The following SPINT1 variants were observed in gnomAD, a reference collection of about 807,000 sequenced individuals.
SPINT1 encodes the protein serine peptidase inhibitor, Kunitz type 1.
In SPINT1, 38 loss-of-function variants were observed where a neutral mutation model predicts 53.7. The ratio of observed to expected loss-of-function variants is 0.71; its 90% CI spans 0.55 to 0.93. The LOEUF (loss-of-function observed/expected upper bound fraction) is 0.93. Ranked by LOEUF, SPINT1 falls within the 40% of genes least tolerant of loss-of-function variation. SPINT1 has a pLI of 0.00. For synonymous variants in SPINT1, 283 were observed against 280.6 expected, an observed-to-expected ratio of 1.01 and a Z score of -0.08; for missense variants, 645 against 692.9, an observed-to-expected ratio of 0.93 and a Z score of 0.78.
chr15:40,849,408 C>T (rs1005565411), intron 2 of SPINT1, among the ~76,000 whole-genome samples: 3 of 152,130 alleles, frequency 2.0e-5, no homozygotes, highest in African/African-American at 7.2e-5. Flanking sequence ...TCACACCTAG[C>T]TAATTTTTTA....
At position 40,844,790 on chromosome 15, in the gene SPINT1, C is replaced by G; in HGVS notation, c.236C>G (p.Pro79Arg). 1.2e-6 allele frequency: 2 copies of G among 1,613,166 alleles called. No homozygotes were observed. Among genetic ancestry groups the G allele is most frequent in the Non-Finnish European group, 1.7e-6 (2 of 1,179,664 alleles). Residue 79 changes from proline (P) to arginine (R), a missense_variant, in exon 2 of 11, where the codon CCC becomes CGC. Coordinates refer to ENST00000562057, the MANE Select transcript of SPINT1 (RefSeq NM_003710.4). The surrounding 1 kb of genome is among the most constrained non-coding windows in gnomAD (Gnocchi z 5.8). ...AACGGAGCTACCTTCCTGGAGTCCC[C>G]CACCGTGCGCCGGGGCTGGGACTGC... The part of the protein sequence containing the change: ...VSNGATFLES[P>R]TVRRGWDCVR...
At chr15:40,855,207 C>G (rs904628842) in intron 8 of SPINT1, among the ~76,000 whole-genome samples, 1 of 151,940 alleles carries the variant, frequency 6.6e-6, no homozygotes, top group African/African-American at 2.4e-5. Context: ...ATGGCAAAAC[C>G]CCATCTCTAC....
In SPINT1 at chr15:40,844,161, CG is replaced by C; in HGVS notation, c.-89del. On this transcript the variant is annotated 5_prime_UTR_variant, in exon 1 of 11. Transcript: ENST00000562057. The surrounding 1 kb of genome is among the most constrained non-coding windows in gnomAD (Gnocchi z 5.8). Reference sequence around the variant, plus strand: ...GCTGGGACCGGAACCTCGGCGGACCCGGCCCCACCCAACTCACCTGCGCAGG... The same window carrying C: ...GCTGGGACCGGAACCTCGGCGGACCCGCCCCACCCAACTCACCTGCGCAGG... 1 of 435,038 alleles carries C rather than the reference CG, an allele frequency of 2.3e-6. No individual in the cohort carries two copies. The allele number at this position is 435,038 out of a possible 1,614,324, so 26.9% of individuals were successfully genotyped here.
Position 40,854,542 on chromosome 15 carries a change from G to A in SPINT1, c.1066+20G>A, listed in dbSNP as rs200801441. ...AAAAATGTGAGGCCTGGGGGATAGA[G>A]GGGGTTGGGCAGCAGACAGGGAGGT... On this transcript the variant is annotated intron_variant, in intron 7 of 10. Transcript: ENST00000562057. The A allele has an allele frequency of 6.0e-5, 97 of 1,613,584 alleles. No individual in the cohort carries two copies. The highest frequency in any genetic ancestry group is 8.0e-5 in the Non-Finnish European group (94 of 1,179,810).
intron 5 of SPINT1, 78 bp from the exon 6 acceptor site, chr15:40,853,982 C>CG: frequency 1.9e-6 from 3 of 1,539,652 alleles, no homozygotes; most frequent in Non-Finnish European, 2.7e-6. Context: ...GGAGCTCTCC[C>CG]TTGCCCACCC....
At chr15:40,846,636 G>A (rs1346782990) in intron 2 of SPINT1, among the ~76,000 whole-genome samples, 4 of 152,168 alleles carry the variant, frequency 2.6e-5, no homozygotes, top group East Asian at 1.9e-4. Flanking sequence ...TAACAGAACC[G>A]GGGATTGGGG....
chr15:40,844,873 G>T lies in SPINT1; in HGVS notation c.319G>T (p.Asp107Tyr). The T allele has an allele frequency of 6.2e-7, 1 of 1,613,878 alleles. No individual in the cohort carries two copies. The highest frequency in any genetic ancestry group is 8.5e-7 in the Non-Finnish European group (1 of 1,180,026). Residue 107 changes from aspartate to tyrosine, a missense_variant, in exon 2 of 11, where the codon GAC becomes TAC. Asp to Tyr is a radical substitution (Grantham distance 160, BLOSUM62 -3). Coordinates refer to ENST00000562057, the MANE Select transcript of SPINT1 (RefSeq NM_003710.4). The surrounding 1 kb of genome is among the most constrained non-coding windows in gnomAD (Gnocchi z 5.8). ...CTTGGCGCTAGTGGAGCTGCAGCCC[G>T]ACCGCGGGGAGGACGCCATCGCCGC... ...CNLALVELQP[D>Y]RGEDAIAACF... is the part of the protein sequence containing the mutation.
intron 8 of SPINT1, 104 bp from the exon 9 acceptor site, chr15:40,855,788 C>A: frequency 7.7e-7 from 1 of 1,306,184 alleles, no homozygotes; most frequent in Non-Finnish European, 1.1e-6. Context: ...CCTCCCTGAG[C>A]CATGGCAGGT....
Position 40,844,754 on chromosome 15 carries a change from C to G in SPINT1, c.200C>G (p.Ala67Gly). ...GVPGFVLDTN[A>G]SVSNGATFLE... Reference sequence around the variant, plus strand: ...CCTGGCTTCGTGCTGGACACCAACGCCTCGGTCAGCAACGGAGCTACCTTC... The same window carrying G: ...CCTGGCTTCGTGCTGGACACCAACGGCTCGGTCAGCAACGGAGCTACCTTC... Residue 67 changes from alanine (A) to glycine (G), a missense_variant, in exon 2 of 11, where the codon GCC (alanine) becomes GGC (glycine). Coordinates refer to ENST00000562057, the MANE Select transcript of SPINT1 (RefSeq NM_003710.4). This position sits in a 1 kb window ranked among gnomAD's most constrained non-coding sequence, Gnocchi z 5.8. 5.0e-6 allele frequency: 8 copies of G among 1,611,238 alleles called. No individual in the cohort carries two copies. Among genetic ancestry groups the G allele is most frequent in the Non-Finnish European group, 6.8e-6 (8 of 1,178,388 alleles).
chr15:40,855,385 CAAT>C (rs1029290505), intron 8 of SPINT1, among the ~76,000 whole-genome samples: 3 of 151,454 alleles, frequency 2.0e-5, no homozygotes, highest in East Asian at 2.0e-4. Context: ...TGTCTCAAAA[CAAT>C]AATAATAATA....
At chr15:40,854,206 G>A (rs1337417490) in intron 6 of SPINT1, 120 bp downstream of exon 6, 1 of 1,368,506 alleles carries the variant, frequency 7.3e-7, no homozygotes, top group African/African-American at 1.5e-5. Context: ...TTTGTGGAAG[G>A]ACCACAAACA....
intron 6 of SPINT1, 66 bp from the exon 7 acceptor site, chr15:40,854,331 C>A: frequency 6.6e-7 from 1 of 1,510,390 alleles, no homozygotes. Flanking sequence ...CAGAGAGGGC[C>A]AAGTAGAAGG....
intron 2 of SPINT1, among the ~76,000 whole-genome samples, chr15:40,847,115 G>A (rs1379101761): frequency 6.6e-6 from 1 of 152,198 alleles, no homozygotes; most frequent in Non-Finnish European, 1.5e-5. Context: ...CCCAGGACCT[G>A]CCTGTTTGCC....
chr15:40,847,082 C>G (rs2142004093), intron 2 of SPINT1, among the ~76,000 whole-genome samples: 1 of 152,274 alleles, frequency 6.6e-6, no homozygotes, highest in East Asian at 1.9e-4. Flanking sequence ...GGTCTTGAGA[C>G]CAGCCATCCT....
chr15:40,847,547 C>G (rs1201074765), intron 2 of SPINT1, among the ~76,000 whole-genome samples: 1 of 152,184 alleles, frequency 6.6e-6, no homozygotes, highest in Non-Finnish European at 1.5e-5. Flanking sequence ...CTTCCCCCAC[C>G]TCTCCTCCTC....
At chr15:40,850,299 C>T (rs1891419564) in intron 2 of SPINT1, among the ~76,000 whole-genome samples, 1 of 152,128 alleles carries the variant, frequency 6.6e-6, no homozygotes. Flanking sequence ...CTTGAACTCC[C>T]AACCTCAGGT....
chr15:40,856,517 G>T (rs1045944888), intron 10 of SPINT1, among the ~76,000 whole-genome samples, 194 bp downstream of exon 10: 1 of 152,172 alleles, frequency 6.6e-6, no homozygotes, highest in Non-Finnish European at 1.5e-5. Flanking sequence ...GCCGATGTCT[G>T]TCAGCAGCGT....
chr15:40,851,407 G>T (rs1037800298), intron 2 of SPINT1, among the ~76,000 whole-genome samples: 1 of 152,120 alleles, frequency 6.6e-6, no homozygotes, highest in Non-Finnish European at 1.5e-5. Flanking sequence ...CGCCTTGGCC[G>T]CCCAAAGTGC....
chr15:40,854,463 T>C lies in SPINT1; in HGVS notation c.1007T>C (p.Leu336Pro). ...AATGGCTGCTGCATCGACAGTTTCCTGGAGTGTGACGACACCCCCAACTGC... is the reference window on the plus strand; with the variant it reads ...AATGGCTGCTGCATCGACAGTTTCCCGGAGTGTGACGACACCCCCAACTGC... ...CSNGCCIDSFLECDDTPNCPD... is the reference protein window; with the variant it reads ...CSNGCCIDSFPECDDTPNCPD... The change falls in exon 7 of 11, where the codon CTG (leucine) becomes CCG (proline). Residue 336 changes from leucine to proline, a missense_variant. By Grantham distance (98) the Leu-to-Pro change is moderately conservative. Transcript: ENST00000562057. 3 of 1,613,608 alleles carry C rather than the reference T, an allele frequency of 1.9e-6. No homozygotes were observed. Among genetic ancestry groups the C allele is most frequent in the Middle Eastern group, 1.7e-4 (1 of 6,058 alleles).
Sources: allele counts gnomAD v4.1 joint callset (sites outside exome capture counted in the v4.1 genomes callset), GRCh38; gene constraint gnomAD v4.1.1; non-coding constraint Gnocchi (gnomAD v3.1); transcripts MANE v1.5; gene names NCBI Gene and HGNC (gene_info 2026-07-23, HGNC 2026-07-21).